Variants in PAMR1 observed in about 807,000 individuals in gnomAD.
The protein encoded by PAMR1 is inactive serine protease PAMR1.
In PAMR1, 88 loss-of-function variants were observed where a neutral mutation model predicts 81.8. The observed-to-expected ratio is 1.08, with a 90% CI of 0.91 to 1.28. The LOEUF (loss-of-function observed/expected upper bound fraction) is 1.28, where lower values mean the gene tolerates loss of function less well. Ranked by LOEUF, PAMR1 falls within the 50% of genes most tolerant of loss-of-function variation. PAMR1 has a pLI of 0.00. For synonymous variants in PAMR1, 336 were observed against 345.3 expected (o/e 0.97, Z 0.30); for missense variants, 935 against 919.7 (o/e 1.02, Z -0.21).
chr11:35,502,510 G>A (rs184828084), intron 1 of PAMR1, among the ~76,000 whole-genome samples: 7 of 140,562 alleles, frequency 5.0e-5, no homozygotes, highest in African/African-American at 1.9e-4. Context: ...AACATGCAGT[G>A]TTTGGTTTTC....
At chr11:35,498,559 A>G (rs569899450) in intron 1 of PAMR1, among the ~76,000 whole-genome samples, 3 of 152,352 alleles carry the variant, frequency 2.0e-5, no homozygotes, top group South Asian at 2.1e-4. Flanking sequence ...TCTCAAGGAT[A>G]TGGTTTTTTA....
At chr11:35,515,435 C>T (rs1851144554) in intron 1 of PAMR1, among the ~76,000 whole-genome samples, 1 of 152,212 alleles carries the variant, frequency 6.6e-6, no homozygotes, top group Non-Finnish European at 1.5e-5. Context: ...AAGCCCTGAG[C>T]TGACAGCAAC....
intron 4 of PAMR1, among the ~76,000 whole-genome samples, chr11:35,472,367 A>T (rs1013848608): frequency 6.6e-6 from 1 of 152,228 alleles, no homozygotes; most frequent in Non-Finnish European, 1.5e-5. Context: ...TACTGAACAC[A>T]TATTTCTGGA....
chr11:35,447,035 T>G (rs1437113855), intron 6 of PAMR1, among the ~76,000 whole-genome samples: 1 of 152,198 alleles, frequency 6.6e-6, no homozygotes, highest in Admixed American at 6.5e-5. Flanking sequence ...TGCATATATG[T>G]TTAGGATAGT....
At chr11:35,508,268 A>T (rs909013115) in intron 1 of PAMR1, among the ~76,000 whole-genome samples, 5 of 152,116 alleles carry the variant, frequency 3.3e-5, no homozygotes, top group Admixed American at 3.3e-4. Flanking sequence ...GTCAGAAGAA[A>T]ATTTTCAACA....
intron 6 of PAMR1, among the ~76,000 whole-genome samples, chr11:35,451,342 A>T (rs1215262444): frequency 6.6e-6 from 1 of 152,242 alleles, no homozygotes; most frequent in Non-Finnish European, 1.5e-5. Context: ...TTAAAAGAAG[A>T]CTTCAAGAGA....
intron 6 of PAMR1, among the ~76,000 whole-genome samples, chr11:35,459,038 C>T (rs1856595417): frequency 6.6e-6 from 1 of 152,160 alleles, no homozygotes; most frequent in East Asian, 1.9e-4. Context: ...TGTTTTCCAG[C>T]CCTCTGGGGG....
chr11:35,467,924 T>G (rs1160040950), intron 6 of PAMR1, 77 bp downstream of exon 6: 1 of 806,300 alleles, frequency 1.2e-6, no homozygotes, highest in Non-Finnish European at 2.1e-6. Flanking sequence ...AAGAAAGAGT[T>G]GGCCCTGCAA....
At chr11:35,507,103 A>G (rs1029913564) in intron 1 of PAMR1, among the ~76,000 whole-genome samples, 11 of 131,784 alleles carry the variant, frequency 8.3e-5, no homozygotes, top group Non-Finnish European at 1.7e-4. Flanking sequence ...CTGGAGTGCA[A>G]TGGTGCAATC....
chr11:35,438,246 C>T (rs1318845803), intron 8 of PAMR1, among the ~76,000 whole-genome samples: 2 of 152,144 alleles, frequency 1.3e-5, no homozygotes, highest in African/African-American at 4.8e-5. Context: ...GTTTACCCCT[C>T]TGTAATATAA....
intron 6 of PAMR1, among the ~76,000 whole-genome samples, chr11:35,451,461 T>C (rs1229942129): frequency 6.6e-6 from 1 of 152,212 alleles, no homozygotes; most frequent in Non-Finnish European, 1.5e-5. Context: ...TCAAATCACA[T>C]GTGATGTGTA....
intron 1 of PAMR1, among the ~76,000 whole-genome samples, chr11:35,506,139 G>GA (rs1189428836): frequency 6.8e-6 from 1 of 148,094 alleles, no homozygotes; most frequent in African/African-American, 2.5e-5. Flanking sequence ...CAGGAAGAAA[G>GA]AAAACAGCTT....
intron 6 of PAMR1, among the ~76,000 whole-genome samples, chr11:35,462,702 C>G (rs1348104401): frequency 6.6e-6 from 1 of 152,160 alleles, no homozygotes; most frequent in African/African-American, 2.4e-5. Context: ...CTCATCCCCT[C>G]CCTACAAACA....
upstream of PAMR1, among the ~76,000 whole-genome samples, chr11:35,527,626 G>A (rs1470240953): frequency 6.6e-6 from 1 of 152,196 alleles, no homozygotes; most frequent in African/African-American, 2.4e-5. Context: ...TGGTCCTTTG[G>A]TGATGGGAGT....
chr11:35,435,186 T>C (rs970198178), intron 9 of PAMR1, among the ~76,000 whole-genome samples: 29 of 152,254 alleles, frequency 1.9e-4, no homozygotes, highest in African/African-American at 6.7e-4. Context: ...AAACTCAAAA[T>C]ATCATGACTA....
chr11:35,496,497 C>T (rs114457570), intron 1 of PAMR1, among the ~76,000 whole-genome samples: 1 of 152,096 alleles, frequency 6.6e-6, no homozygotes, highest in Admixed American at 6.5e-5. Flanking sequence ...AAACGGCCAA[C>T]AAGCACACAA....
At chr11:35,501,983 T>A (rs1382474545) in intron 1 of PAMR1, among the ~76,000 whole-genome samples, 1 of 152,198 alleles carries the variant, frequency 6.6e-6, no homozygotes, top group Non-Finnish European at 1.5e-5. Flanking sequence ...CTATTTTTAG[T>A]TTGCTGAGAA....
At chr11:35,439,286 C>A (rs961189061) in intron 8 of PAMR1, among the ~76,000 whole-genome samples, 2 of 152,194 alleles carry the variant, frequency 1.3e-5, no homozygotes, top group African/African-American at 4.8e-5. Context: ...TGTCATCTTC[C>A]TAGAAGCTAC....
chr11:35,474,919 C>T (rs1327889011), intron 3 of PAMR1, among the ~76,000 whole-genome samples, 175 bp from the exon 4 acceptor site: 2 of 152,216 alleles, frequency 1.3e-5, no homozygotes, highest in Non-Finnish European at 2.9e-5. Context: ...AGGCAATTTA[C>T]ATAGATTAAT....
Sources: gnomAD v4.1 joint callset for allele counts (sites outside exome capture counted in the v4.1 genomes callset) on GRCh38, gnomAD v4.1.1 for gene constraint, MANE v1.5 for transcripts, NCBI Gene and HGNC (gene_info 2026-07-23, HGNC 2026-07-21) for gene names.